The following TEX10 variants were observed in gnomAD, a reference collection of about 807,000 sequenced individuals.
TEX10 encodes the protein testis expressed 10, also known as testis-expressed protein 10.
A neutral mutation model predicts 104.4 loss-of-function variants in TEX10; 24 were observed. The ratio of observed to expected loss-of-function variants is 0.23; its 90% CI spans 0.17 to 0.32. The LOEUF (loss-of-function observed/expected upper bound fraction) is 0.32, where lower values mean the gene tolerates loss of function less well. TEX10 is among the 10% of genes least tolerant of loss of function. The pLI, the probability that TEX10 is intolerant of heterozygous loss-of-function variation, is 1.00. For missense variants in TEX10, 921 were observed against 1,083.9 expected, an observed-to-expected ratio of 0.85 and a Z score of 2.11; for synonymous variants, 396 against 393.4, an observed-to-expected ratio of 1.01 and a Z score of -0.08.
At position 100,326,306 on chromosome 9, in the gene TEX10, T is replaced by G. The variant is rs772024690; in HGVS notation, c.1975A>C (p.Met659Leu). Residue 659 changes from methionine (M) to leucine (L), a missense_variant, in exon 9 of 15, where the codon ATG (methionine) becomes CTG (leucine). Met to Leu is a conservative substitution (Grantham distance 15). This residue lies in a region of TEX10 where 753 missense variants were observed against 868.4 expected (regional missense o/e 0.87). Transcript: ENST00000374902. ...LAAMLIGILH[M>L]RSSFSGWKYS... The stretch of plus-strand genomic sequence containing the variant: ...CAGCTCACTTGAGCATGCTACCTCA[T>G]GTGCAGTATCCCGATAAGCATGGCA... 6.2e-7 allele frequency: 1 copy of G among 1,613,596 alleles called. No homozygotes were observed. Among genetic ancestry groups the G allele is most frequent in the East Asian group, 2.2e-5 (1 of 44,864 alleles).
chr9:100,305,852 G>A (rs1156441788), intron 13 of TEX10: 1 of 152,184 alleles, frequency 6.6e-6, no homozygotes, highest in Non-Finnish European at 1.5e-5. Flanking sequence ...AAATGCAAAT[G>A]TCAAACTATC....
chr9:100,313,412 G>A (rs1434837588), intron 11 of TEX10, among the ~76,000 whole-genome samples: 2 of 151,936 alleles, frequency 1.3e-5, no homozygotes, highest in Non-Finnish European at 1.5e-5. Context: ...CTACTCGGGA[G>A]GCTAAGGCAG....
In TEX10 at chr9:100,329,998, T is replaced by C. The variant is rs1184485873; in HGVS notation, c.1422A>G (p.Leu474=). 6.2e-7 allele frequency: 1 copy of C among 1,614,130 alleles called. No homozygotes were observed. Among genetic ancestry groups the C allele is most frequent in the South Asian group, 1.1e-5 (1 of 91,068 alleles). Reference sequence around the variant, plus strand: ...GCAATCTGTTCAGTTGCTTACTATTTAGCCTAGAGCCATCTTCAAGGGTCT... The same window carrying C: ...GCAATCTGTTCAGTTGCTTACTATTCAGCCTAGAGCCATCTTCAAGGGTCT... ...VTETLEDGSR[L]NSKQLNRLLG... Residue 474 remains leucine, a synonymous_variant, in exon 6 of 15, where the codon CTA becomes CTG. Transcript: ENST00000374902.
intron 2 of TEX10, among the ~76,000 whole-genome samples, chr9:100,348,909 C>CA (rs1337824505): frequency 2.0e-5 from 3 of 152,154 alleles, no homozygotes; most frequent in East Asian, 3.9e-4. Flanking sequence ...AGACCTGTCT[C>CA]AAAATAAATA....
At chr9:100,352,617 C>T (rs931485942) in intron 1 of TEX10, 155 bp downstream of exon 1, 12 of 1,474,548 alleles carry the variant, frequency 8.1e-6, no homozygotes, top group Admixed American at 6.7e-5. Context: ...CACACCCAGG[C>T]CCAGCTCGGA....
rs148334714 is a variant in TEX10, at chr9:100,310,365, A to G, written c.2217T>C (p.Ser739=). ...GACTTCGGGCAGGAATAACCAATAAACTGTGAAAAACTGCCTGTCAGAAAA... is the reference window on the plus strand; with the variant it reads ...GACTTCGGGCAGGAATAACCAATAAGCTGTGAAAAACTGCCTGTCAGAAAA... ...HWDVTEAVFH[S]LLVIPARSQN... is the part of the protein sequence containing the mutation. Residue 739 remains serine (S), a synonymous_variant, in exon 12 of 15, where the codon AGT becomes AGC. Coordinates refer to ENST00000374902, the MANE Select transcript of TEX10 (RefSeq NM_017746.4). The G allele has an allele frequency of 2.5e-6, 4 of 1,613,698 alleles. No individual in the cohort carries two copies. In the African/African-American group the frequency reaches 5.3e-5, roughly 22 times the overall value.
chr9:100,308,736 C>G (rs1460081271), intron 12 of TEX10, 55 bp from the exon 13 acceptor site: 1 of 1,418,982 alleles, frequency 7.0e-7, no homozygotes, highest in Admixed American at 2.6e-5. Flanking sequence ...CGCTCCTCCA[C>G]ATAAAACCAA....
chr9:100,316,295 A>G (rs748334820), intron 11 of TEX10, among the ~76,000 whole-genome samples: 1 of 152,200 alleles, frequency 6.6e-6, no homozygotes, highest in Non-Finnish European at 1.5e-5. Flanking sequence ...TTCAAAAGAC[A>G]CAAAAAATGC....
At chr9:100,308,286 A>G (rs1004610197) in intron 13 of TEX10, among the ~76,000 whole-genome samples, 16 of 152,192 alleles carry the variant, frequency 1.1e-4, no homozygotes, top group African/African-American at 3.4e-4. Context: ...TTTGTAACTT[A>G]AAGGGGAAAG....
intron 5 of TEX10, among the ~76,000 whole-genome samples, chr9:100,335,206 A>G (rs1303000364): frequency 6.6e-6 from 1 of 151,814 alleles, no homozygotes; most frequent in Non-Finnish European, 1.5e-5. Context: ...AAGGGTCAAG[A>G]CTTTTTTTTT....
chr9:100,319,720 C>G (rs1226778429), intron 11 of TEX10, among the ~76,000 whole-genome samples: 1 of 152,062 alleles, frequency 6.6e-6, no homozygotes, highest in African/African-American at 2.4e-5. Flanking sequence ...GCAGGAGAAT[C>G]ACTTAAACCT....
chr9:100,338,913 TTC>T (rs1414423097), intron 5 of TEX10, among the ~76,000 whole-genome samples: 1 of 151,684 alleles, frequency 6.6e-6, no homozygotes, highest in East Asian at 1.9e-4. Flanking sequence ...CTGTCGCAGT[TTC>T]TGTTTCATGA....
At position 100,313,424 on chromosome 9, in the gene TEX10, A is replaced by G. The variant is rs1834328816; in HGVS notation, c.2203-3045T>C. Among the ~76,000 whole-genome samples the G allele has an allele frequency of 2.0e-5, 3 of 152,014 alleles. No homozygotes were observed. In the South Asian group the frequency reaches 6.2e-4, roughly 32 times the overall value. On this transcript the variant is annotated intron_variant, in intron 11 of 14. Transcript: ENST00000374902. ...CAGCTACTCGGGAGGCTAAGGCAGGAGAATCGCTTGAACCCGGGAGGCAGA... is the reference window on the plus strand; with the variant it reads ...CAGCTACTCGGGAGGCTAAGGCAGGGGAATCGCTTGAACCCGGGAGGCAGA...
intron 4 of TEX10, among the ~76,000 whole-genome samples, chr9:100,340,973 G>GTT (rs879812518): frequency 6.8e-6 from 1 of 146,690 alleles, no homozygotes; most frequent in Non-Finnish European, 1.5e-5. Flanking sequence ...GCTCAATTTG[G>GTT]TTTTTTTTTT....
chr9:100,328,308 G>A (rs533329099), intron 7 of TEX10, among the ~76,000 whole-genome samples: 1 of 152,272 alleles, frequency 6.6e-6, no homozygotes, highest in East Asian at 1.9e-4. Context: ...CTTCAAACTT[G>A]TGCTATTTTT....
At chr9:100,336,197 A>T (rs1315341666) in intron 5 of TEX10, among the ~76,000 whole-genome samples, 1 of 152,152 alleles carries the variant, frequency 6.6e-6, no homozygotes, top group Non-Finnish European at 1.5e-5. Context: ...TAAACAAAAA[A>T]TAAAAATACA....
Position 100,349,186 on chromosome 9 carries a change from T to C in TEX10, c.178A>G (p.Lys60Glu), listed in dbSNP as rs1486539427. 2 of 1,537,124 alleles carry C rather than the reference T, an allele frequency of 1.3e-6. No homozygotes were observed. Among genetic ancestry groups the C allele is most frequent in the Admixed American group, 4.7e-5 (2 of 42,744 alleles). The change falls in exon 2 of 15, where the codon AAG becomes GAG. Residue 60 changes from lysine to glutamate, a missense_variant and splice_region_variant. By Grantham distance (56) the Lys-to-Glu change is moderately conservative (BLOSUM62 1). Transcript: ENST00000374902. ...LPTNNRKLNI[K>E]DLLSQMHHYN... The stretch of plus-strand genomic sequence containing the variant: ...TCAAAACATGATTTATGATTTACCT[T>C]TATGTTAAGTTTTCTATTGTTTGTT...
At chr9:100,345,591 T>A (rs1215014510) in intron 4 of TEX10, among the ~76,000 whole-genome samples, 1 of 152,224 alleles carries the variant, frequency 6.6e-6, no homozygotes. Context: ...AAGTGTAGCA[T>A]ACACTATGCA....
At chr9:100,322,677 A>G (rs563024276) in intron 9 of TEX10, among the ~76,000 whole-genome samples, 45 of 151,986 alleles carry the variant, frequency 3.0e-4, no homozygotes, top group Non-Finnish European at 5.4e-4. Flanking sequence ...GTGCAATGGC[A>G]TGATCTCAGC....
Sources: gnomAD v4.1 joint callset for allele counts (sites outside exome capture counted in the v4.1 genomes callset) on GRCh38, gnomAD v4.1.1 for gene constraint, gnomAD v4.1.1 regional missense constraint, MANE v1.5 for transcripts, NCBI Gene and HGNC (gene_info 2026-07-23, HGNC 2026-07-21) for gene names.